ADH1A: variants seen among roughly 807,000 people sequenced by gnomAD.
The protein encoded by ADH1A is alcohol dehydrogenase 1A.
A neutral mutation model predicts 35.2 loss-of-function variants in ADH1A; 29 were observed. That is an observed-to-expected ratio of 0.82 (90% CI 0.61 to 1.12). ADH1A has a LOEUF of 1.12. Ranked by LOEUF, ADH1A falls within the 50% of genes most tolerant of loss-of-function variation. ADH1A has a pLI of 0.00. For missense variants in ADH1A, 469 were observed against 464.7 expected (o/e 1.01, Z -0.09); for synonymous variants, 147 against 164.8 (o/e 0.89, Z 0.83).
intron 6 of ADH1A, 119 bp downstream of exon 6, chr4:99,282,227 A>G (rs1733023735): frequency 6.3e-7 from 1 of 1,589,132 alleles, no homozygotes; most frequent in Non-Finnish European, 8.6e-7. Context: ...CAAACAGATG[A>G]TGGGAAATTT....
intron 6 of ADH1A, 21 bp from the exon 7 acceptor site, chr4:99,280,300 A>G (rs1342481543): frequency 1.2e-6 from 2 of 1,612,320 alleles, no homozygotes; most frequent in Non-Finnish European, 1.7e-6. Context: ...GTGAACACTT[A>G]GCATTCTTAA....
intron 3 of ADH1A, among the ~76,000 whole-genome samples, chr4:99,285,823 C>T (rs978214017): frequency 6.6e-6 from 1 of 151,688 alleles, no homozygotes; most frequent in Non-Finnish European, 1.5e-5. Context: ...GAGATCGAGA[C>T]CATCCTGGCT....
At chr4:99,277,858 CAT>C (rs1324944833) in intron 8 of ADH1A, among the ~76,000 whole-genome samples, 1 of 152,042 alleles carries the variant, frequency 6.6e-6, no homozygotes, top group African/African-American at 2.4e-5. Context: ...TGCTGAAACA[CAT>C]ATGTGTGTTT....
At chr4:99,282,650 A>G in intron 5 of ADH1A, 44 bp from the exon 6 acceptor site, 2 of 1,595,980 alleles carry the variant, frequency 1.3e-6, no homozygotes, top group Non-Finnish European at 1.7e-6. Context: ...AAAACTTTAT[A>G]AAGTGCCATG....
Position 99,276,371 on chromosome 4 carries a change from GT to G in ADH1A, c.*252del. 1.9e-6 allele frequency: 1 copy of G among 529,700 alleles called. No individual in the cohort carries two copies. Among genetic ancestry groups the G allele is most frequent in the Non-Finnish European group, 3.3e-6 (1 of 298,956 alleles). 32.8% of individuals were successfully genotyped at this position (529,700 alleles called of 1,614,324 possible). ...TGGCAAAGATGACACAAGTAGAATG[GT>G]TAAGAAGGAAGGTTTATTGGCTTCA... On this transcript the variant is annotated 3_prime_UTR_variant, in exon 9 of 9. Coordinates refer to ENST00000209668, the MANE Select transcript of ADH1A (RefSeq NM_000667.4).
At chr4:99,280,119 T>A in intron 7 of ADH1A, 25 bp downstream of exon 7, 1 of 1,613,668 alleles carries the variant, frequency 6.2e-7, no homozygotes, top group Non-Finnish European at 8.5e-7. Flanking sequence ...TAATGAGAAT[T>A]TGGCTCTGAA....
intron 6 of ADH1A, chr4:99,281,074 CATG>C (rs1197900910): frequency 6.6e-6 from 1 of 152,164 alleles, no homozygotes. Context: ...TCCCGTTCCA[CATG>C]AGAAAATGGA....
intron 3 of ADH1A, 138 bp downstream of exon 3, chr4:99,286,712 A>G: frequency 1.4e-6 from 2 of 1,416,670 alleles, no homozygotes; most frequent in Non-Finnish European, 1.9e-6. Context: ...AAGAGAGGGA[A>G]AGAGGAAATC....
In ADH1A at chr4:99,284,612, G is replaced by T; in HGVS notation, c.354C>A (p.Ser118Arg). 1 of 1,614,204 alleles carries T rather than the reference G, an allele frequency of 6.2e-7. No homozygotes were observed. The change falls in exon 5 of 9, where the codon AGC (serine) becomes AGA (arginine). Residue 118 changes from serine (S) to arginine (R), a missense_variant. Transcript: ENST00000209668. ...CATCCTGCAGGGTCCCCTGAGGATT[G>T]CTTACACTGGACAGTGCAATACAAA... ...ESNYCLKNDVSNPQGTLQDGT... is the reference protein window; with the variant it reads ...ESNYCLKNDVRNPQGTLQDGT...
chr4:99,286,928 G>A lies in ADH1A; in HGVS notation c.181C>T (p.Pro61Ser). ...TCATGGCCTAAAATCACAGGAAGTGGGGTCACCATGGTACCACTAACCACG... is the reference window on the plus strand; with the variant it reads ...TCATGGCCTAAAATCACAGGAAGTGAGGTCACCATGGTACCACTAACCACG... ...DHVVSGTMVTPLPVILGHEAA... is the reference protein window; with the variant it reads ...DHVVSGTMVTSLPVILGHEAA... Residue 61 changes from proline to serine, a missense_variant, in exon 3 of 9, where the codon CCA becomes TCA. Physicochemically the swap from Pro to Ser is moderately conservative, Grantham distance 74 (BLOSUM62 -1). Transcript: ENST00000209668. 1 of 1,614,138 alleles carries A rather than the reference G, an allele frequency of 6.2e-7. No homozygotes were observed. The highest frequency in any genetic ancestry group is 8.5e-7 in the Non-Finnish European group (1 of 1,180,016).
At chr4:99,289,395 C>T (rs1335234381) in intron 1 of ADH1A, among the ~76,000 whole-genome samples, 1 of 152,132 alleles carries the variant, frequency 6.6e-6, no homozygotes, top group African/African-American at 2.4e-5. Context: ...ACTAATTTCT[C>T]TAAAGTCTCA....
intron 3 of ADH1A, 45 bp from the exon 4 acceptor site, chr4:99,284,848 A>T (rs752145692): frequency 6.6e-7 from 1 of 1,523,870 alleles, no homozygotes; most frequent in Non-Finnish European, 9.1e-7. Context: ...CTATCCAGGT[A>T]TTAATAGAGC....
At chr4:99,287,303 ATATC>A (rs1733176694) in intron 2 of ADH1A, among the ~76,000 whole-genome samples, 1 of 152,186 alleles carries the variant, frequency 6.6e-6, no homozygotes, top group Non-Finnish European at 1.5e-5. Flanking sequence ...ATACATAAAA[ATATC>A]TAATGCTAAT....
intron 5 of ADH1A, among the ~76,000 whole-genome samples, chr4:99,283,223 A>C (rs1229970): frequency 0.82 from 124,178 of 152,120 alleles, 51,022 homozygotes; most frequent in East Asian, 0.91. Flanking sequence ...ATAATAAAAT[A>C]TATTGTTATG....
intron 8 of ADH1A, among the ~76,000 whole-genome samples, chr4:99,276,972 TA>T (rs1225824753): frequency 6.6e-6 from 1 of 152,176 alleles, no homozygotes; most frequent in East Asian, 1.9e-4. Flanking sequence ...CAATGGATAA[TA>T]ACTTGTGATA....
intron 8 of ADH1A, among the ~76,000 whole-genome samples, 198 bp downstream of exon 8, chr4:99,279,228 G>A (rs1732937407): frequency 6.6e-6 from 1 of 151,906 alleles, no homozygotes. Flanking sequence ...CAGCACAATA[G>A]GAAATGCAAA....
chr4:99,277,583 C>T (rs932517966), intron 8 of ADH1A, among the ~76,000 whole-genome samples: 3 of 152,028 alleles, frequency 2.0e-5, no homozygotes, highest in African/African-American at 7.2e-5. Flanking sequence ...CAATCATTCT[C>T]AATGTTTACT....
intron 1 of ADH1A, among the ~76,000 whole-genome samples, chr4:99,289,704 G>A (rs1425062096): frequency 6.6e-6 from 1 of 152,166 alleles, no homozygotes; most frequent in Non-Finnish European, 1.5e-5. Flanking sequence ...AGTTATTGAT[G>A]TTGTGCCCAA....
intron 8 of ADH1A, chr4:99,278,391 T>G (rs998340791): frequency 2.0e-5 from 3 of 152,180 alleles, no homozygotes; most frequent in Admixed American, 1.3e-4. Context: ...CTCTCCTTCC[T>G]ACCATCTGAT....
Sources: allele counts gnomAD v4.1 joint callset (sites outside exome capture counted in the v4.1 genomes callset), GRCh38; gene constraint gnomAD v4.1.1; transcripts MANE v1.5; gene names NCBI Gene and HGNC (gene_info 2026-07-23, HGNC 2026-07-21).